Variants in GPC5 observed in about 807,000 individuals in gnomAD.
The protein encoded by GPC5 is glypican-5.
A neutral mutation model predicts 53.9 loss-of-function variants in GPC5; 47 were observed. The ratio of observed to expected loss-of-function variants is 0.87; its 90% CI spans 0.69 to 1.11. GPC5 has a LOEUF of 1.11. Ranked by LOEUF, GPC5 falls within the 50% of genes most tolerant of loss-of-function variation. The pLI is 0.00. For synonymous variants in GPC5, 286 were observed against 263.3 expected, an observed-to-expected ratio of 1.09 and a Z score of -0.84; for missense variants, 748 against 713.1, an observed-to-expected ratio of 1.05 and a Z score of -0.56.
intron 7 of GPC5, among the ~76,000 whole-genome samples, chr13:92,620,706 T>C (rs1281096633): frequency 6.6e-6 from 1 of 152,044 alleles, no homozygotes; most frequent in African/African-American, 2.4e-5. Context: ...TAACCGTGAG[T>C]GTAGGCAGAG....
At chr13:92,772,544 T>C (rs1875651277) in intron 7 of GPC5, among the ~76,000 whole-genome samples, 1 of 152,226 alleles carries the variant, frequency 6.6e-6, no homozygotes, top group African/African-American at 2.4e-5. Context: ...CCTGACTTTC[T>C]ATCCCATTTT....
intron 5 of GPC5, among the ~76,000 whole-genome samples, chr13:91,872,795 A>T (rs1313331355): frequency 1.3e-5 from 2 of 152,206 alleles, no homozygotes; most frequent in African/African-American, 2.4e-5. Flanking sequence ...ATTAGCATAT[A>T]TGCAGTACAG....
chr13:92,553,695 C>CTCT (rs975787147), intron 7 of GPC5, among the ~76,000 whole-genome samples: 3 of 151,908 alleles, frequency 2.0e-5, no homozygotes, highest in Non-Finnish European at 4.4e-5. Context: ...AGCAAAAGTG[C>CTCT]TCTTTATCAG....
At chr13:91,745,627 A>T (rs1160005638) in intron 4 of GPC5, among the ~76,000 whole-genome samples, 2 of 152,106 alleles carry the variant, frequency 1.3e-5, no homozygotes, top group Non-Finnish European at 1.5e-5. Context: ...GGAAAAAAAA[A>T]TCTGTCTCTT....
At chr13:92,321,822 T>A (rs2058283216) in intron 7 of GPC5, among the ~76,000 whole-genome samples, 1 of 152,162 alleles carries the variant, frequency 6.6e-6, no homozygotes, top group Non-Finnish European at 1.5e-5. Context: ...TCAAACATTG[T>A]AGAGGAGTTT....
intron 7 of GPC5, among the ~76,000 whole-genome samples, chr13:92,753,178 C>A (rs1169325690): frequency 4.6e-5 from 7 of 152,134 alleles, no homozygotes; most frequent in Admixed American, 2.6e-4. Flanking sequence ...GGGTCCCTGA[C>A]CCCTGACCCC....
At chr13:91,833,464 C>T (rs1474822879) in intron 5 of GPC5, among the ~76,000 whole-genome samples, 1 of 152,122 alleles carries the variant, frequency 6.6e-6, no homozygotes, top group African/African-American at 2.4e-5. Context: ...ATTTCAGGGC[C>T]ACTATCCCTG....
At chr13:91,823,905 T>C (rs1475611487) in intron 5 of GPC5, among the ~76,000 whole-genome samples, 1 of 152,086 alleles carries the variant, frequency 6.6e-6, no homozygotes, top group African/African-American at 2.4e-5. Context: ...ATAATTCTGT[T>C]TCTAAGATCA....
At chr13:92,291,228 C>T (rs936639446) in intron 7 of GPC5, among the ~76,000 whole-genome samples, 13 of 152,162 alleles carry the variant, frequency 8.5e-5, no homozygotes, top group East Asian at 1.9e-4. Flanking sequence ...CTGAGGAGTG[C>T]GGGCGCATGG....
At chr13:92,195,683 A>G (rs1367943243) in intron 7 of GPC5, among the ~76,000 whole-genome samples, 1 of 152,220 alleles carries the variant, frequency 6.6e-6, no homozygotes, top group Non-Finnish European at 1.5e-5. Context: ...CATGGCAAAC[A>G]CGAAATATCT....
At chr13:92,579,320 TCC>T (rs147821599) in intron 7 of GPC5, among the ~76,000 whole-genome samples, 9 of 94,586 alleles carry the variant, frequency 9.5e-5, no homozygotes, top group African/African-American at 4.2e-4. Flanking sequence ...CCTCCCTCCC[TCC>T]CTCTCTCTCT....
intron 7 of GPC5, among the ~76,000 whole-genome samples, chr13:92,836,189 T>A (rs1392806790): frequency 6.6e-6 from 1 of 152,092 alleles, no homozygotes; most frequent in Non-Finnish European, 1.5e-5. Context: ...AATATCTTTT[T>A]TATAGCTTAT....
chr13:92,331,416 G>A (rs747792030), intron 7 of GPC5, among the ~76,000 whole-genome samples: 6 of 152,120 alleles, frequency 3.9e-5, no homozygotes, highest in African/African-American at 9.7e-5. Context: ...GATGAATGCC[G>A]AAATTTGAAG....
intron 7 of GPC5, among the ~76,000 whole-genome samples, chr13:92,524,039 G>A (rs555281105): frequency 2.6e-5 from 4 of 152,192 alleles, no homozygotes; most frequent in Admixed American, 2.6e-4. Context: ...GATCAGAGTG[G>A]TGGTTGATGC....
intron 7 of GPC5, among the ~76,000 whole-genome samples, chr13:92,818,635 G>A (rs1877566858): frequency 1.3e-5 from 2 of 151,872 alleles, no homozygotes; most frequent in South Asian, 2.1e-4. Flanking sequence ...GTCTGGCTCC[G>A]ATATTCTTTA....
intron 5 of GPC5, among the ~76,000 whole-genome samples, chr13:91,815,042 A>G (rs1360518108): frequency 6.6e-6 from 1 of 152,134 alleles, no homozygotes; most frequent in Non-Finnish European, 1.5e-5. Flanking sequence ...ATAAGCCTGC[A>G]ATAGAATGAC....
intron 6 of GPC5, among the ~76,000 whole-genome samples, chr13:92,109,535 T>A (rs1347597797): frequency 6.6e-6 from 1 of 152,166 alleles, no homozygotes; most frequent in Non-Finnish European, 1.5e-5. Flanking sequence ...TTCTTTTTGA[T>A]GAAAAATGAC....
At chr13:92,523,228 G>A (rs1391265629) in intron 7 of GPC5, among the ~76,000 whole-genome samples, 1 of 152,060 alleles carries the variant, frequency 6.6e-6, no homozygotes, top group Non-Finnish European at 1.5e-5. Flanking sequence ...CTCGTGTGTT[G>A]CTAAACTCAA....
intron 7 of GPC5, among the ~76,000 whole-genome samples, chr13:92,383,072 G>A (rs1158578928): frequency 6.7e-6 from 1 of 149,554 alleles, no homozygotes; most frequent in Non-Finnish European, 1.5e-5. Context: ...CAAGATAGCA[G>A]ACAAAAGCAT....
Sources: gnomAD v4.1 joint callset for allele counts (sites outside exome capture counted in the v4.1 genomes callset) on GRCh38, gnomAD v4.1.1 for gene constraint, MANE v1.5 for transcripts, NCBI Gene and HGNC (gene_info 2026-07-23, HGNC 2026-07-21) for gene names.